Variants in SMARCA2 observed in about 807,000 individuals in gnomAD.
The protein encoded by SMARCA2 is SWI/SNF related BAF chromatin remodeling complex subunit ATPase 2.
In SMARCA2, 61 loss-of-function variants were observed where a neutral mutation model predicts 199.8. The ratio of observed to expected loss-of-function variants is 0.31; its 90% CI spans 0.25 to 0.38. The LOEUF (loss-of-function observed/expected upper bound fraction) is 0.38. Among genes scored for constraint, SMARCA2 ranks in the 10% least tolerant of loss-of-function variants. The pLI is 1.00. For synonymous variants in SMARCA2, 935 were observed against 732.0 expected, an observed-to-expected ratio of 1.28 and a Z score of -4.48; for missense variants, 1,344 against 2,012.2, an observed-to-expected ratio of 0.67 and a Z score of 6.35.
chr9:2,038,688 C>T lies in SMARCA2; in HGVS notation c.356-778C>T, dbSNP rs554763948. Among the ~76,000 whole-genome samples the T allele has an allele frequency of 8.3e-4, 127 of 152,212 alleles. 2 individuals carry two copies. The Middle Eastern group carries it at 0.014, about 16-fold the overall frequency. On this transcript the variant is annotated intron_variant, in intron 3 of 33. Coordinates refer to ENST00000349721, the MANE Select transcript of SMARCA2 (RefSeq NM_003070.5). ...TACCCCCCCTTTACTGGCTGCCTTC[C>T]CTTCCTTATATTACCTTTTCATACC...
At chr9:2,112,925 A>G (rs1376743218) in intron 24 of SMARCA2, among the ~76,000 whole-genome samples, 4 of 152,146 alleles carry the variant, frequency 2.6e-5, no homozygotes, top group Admixed American at 2.6e-4. Context: ...AAACCAGTCA[A>G]TGTTAGCTTG....
At chr9:2,181,871 T>C (rs193198088) in intron 30 of SMARCA2, among the ~76,000 whole-genome samples, 195 bp downstream of exon 30, 147 of 152,288 alleles carry the variant, frequency 9.7e-4, no homozygotes, top group Non-Finnish European at 1.7e-3. Flanking sequence ...TTGCATTTTA[T>C]TGAAGAGCTT....
intron 32 of SMARCA2, 45 bp downstream of exon 32, chr9:2,186,273 C>G (rs1264819857): frequency 6.4e-7 from 1 of 1,574,456 alleles, no homozygotes; most frequent in Admixed American, 1.8e-5. Context: ...CCCCTCCTCA[C>G]CTGCATAGCT....
At chr9:2,101,642 T>A (rs922126289) in intron 22 of SMARCA2, 26 bp downstream of exon 22, 41 of 1,272,480 alleles carry the variant, frequency 3.2e-5, no homozygotes, top group South Asian at 3.9e-5. Context: ...TTTTTTCTTT[T>A]AAAAAAAAAT....
At chr9:2,032,298 G>T (rs935771884) in intron 2 of SMARCA2, among the ~76,000 whole-genome samples, 3 of 152,154 alleles carry the variant, frequency 2.0e-5, no homozygotes, top group Non-Finnish European at 1.5e-5. Context: ...TTGCATGTCT[G>T]TCACGTATTA....
chr9:2,058,489 A>G (rs1418970433), intron 8 of SMARCA2, 25 bp downstream of exon 8: 1 of 1,606,192 alleles, frequency 6.2e-7, no homozygotes, highest in African/African-American at 1.3e-5. Context: ...GCAGGAGCCC[A>G]GGAAACTACT....
rs1554642562 is a variant in SMARCA2, at chr9:2,176,182, G to GTTTTTTTTTTTTTTGTTTTTT, written c.4254-5375_4254-5374insGTTTTTTTTTTTTTTTTTTTT. On this transcript the variant is annotated intron_variant, in intron 29 of 33. Coordinates refer to ENST00000349721, the MANE Select transcript of SMARCA2 (RefSeq NM_003070.5). ...AGGCATGAGCCACCGCGCCCGGCCT[G>GTTTTTTTTTTTTTTGTTTTTT]TTTTTTTTTTTTTTTTTTTTTATAA... 1.2e-3 allele frequency among the ~76,000 whole-genome samples: 124 copies of GTTTTTTTTTTTTTTGTTTTTT among 104,120 alleles called. 3 individuals are homozygous for GTTTTTTTTTTTTTTGTTTTTT. The highest frequency in any genetic ancestry group is 4.4e-3 in the African/African-American group (117 of 26,850). 68.3% of individuals were successfully genotyped at this position (104,120 alleles called of 152,430 possible). A position where few individuals can be genotyped will look rare whatever the true frequency, so the allele number is the denominator to read the frequency against.
At chr9:2,182,568 A>G (rs886845709) in intron 31 of SMARCA2, among the ~76,000 whole-genome samples, 2 of 134,928 alleles carry the variant, frequency 1.5e-5, no homozygotes, top group Non-Finnish European at 3.0e-5. Context: ...TTCTCGGCTC[A>G]TGGCAACCTC....
At chr9:2,053,297 A>T (rs1010746922) in intron 5 of SMARCA2, among the ~76,000 whole-genome samples, 4 of 152,210 alleles carry the variant, frequency 2.6e-5, no homozygotes, top group South Asian at 2.1e-4. Context: ...GCTGCAAAGG[A>T]CATGATTTGG....
At chr9:2,176,180 C>A (rs1268671118) in intron 29 of SMARCA2, among the ~76,000 whole-genome samples, 1 of 109,894 alleles carries the variant, frequency 9.1e-6, no homozygotes, top group Admixed American at 8.0e-5. Flanking sequence ...CGCGCCCGGC[C>A]TGTTTTTTTT....
chr9:2,159,641 G>C (rs747461145), intron 27 of SMARCA2: 6 of 681,874 alleles, frequency 8.8e-6, no homozygotes, highest in Non-Finnish European at 1.2e-5. Context: ...ATGATAAGTA[G>C]TTGTCAATAT....
rs532954139 is a variant in SMARCA2, at chr9:2,086,607, G to C, written c.2527-222G>C. Among the ~76,000 whole-genome samples the C allele has an allele frequency of 1.2e-4, 19 of 152,294 alleles. No homozygotes were observed. In the South Asian group the frequency reaches 3.7e-3, roughly 30 times the overall value. On this transcript the variant is annotated intron_variant, in intron 17 of 33. Coordinates refer to ENST00000349721, the MANE Select transcript of SMARCA2 (RefSeq NM_003070.5). The surrounding 1 kb of genome is among the most constrained non-coding windows in gnomAD (Gnocchi z 4.3). ...TAAAAAGTTGATTTGGAATTACGTG[G>C]TCTGTAAGGAACATTGTTCCTTTAA...
At chr9:2,082,306 G>GGTGTGTGTGTGT in intron 15 of SMARCA2, among the ~76,000 whole-genome samples, 1 of 121,860 alleles carries the variant, frequency 8.2e-6, no homozygotes, top group South Asian at 2.8e-4. Context: ...AAAGGGGAAA[G>GGTGTGTGTGTGT]GTGTGTGTGT....
At chr9:2,060,774 C>A in intron 8 of SMARCA2, 42 bp from the exon 9 acceptor site, 1 of 1,593,254 alleles carries the variant, frequency 6.3e-7, no homozygotes, top group Non-Finnish European at 8.6e-7. Context: ...GTTGTCTGCA[C>A]GCTTATATTA....
chr9:2,160,341 T>C, intron 27 of SMARCA2: 1 of 485,106 alleles, frequency 2.1e-6, no homozygotes. Context: ...AGGCTCAGAC[T>C]GTCCCTTAGG....
At chr9:2,114,937 T>G (rs976670718) in intron 24 of SMARCA2, among the ~76,000 whole-genome samples, 13 of 152,296 alleles carry the variant, frequency 8.5e-5, no homozygotes, top group African/African-American at 3.1e-4. Flanking sequence ...TTTTCACTTA[T>G]GTCATTAAAT....
At chr9:2,183,952 C>T (rs141235394) in intron 31 of SMARCA2, among the ~76,000 whole-genome samples, 2 of 152,312 alleles carry the variant, frequency 1.3e-5, no homozygotes, top group Middle Eastern at 3.4e-3. Flanking sequence ...CTCTGACTGT[C>T]TCACAACTGA....
chr9:2,105,750 T>C (rs1822726002), intron 23 of SMARCA2, among the ~76,000 whole-genome samples: 1 of 152,186 alleles, frequency 6.6e-6, no homozygotes, highest in Non-Finnish European at 1.5e-5. Flanking sequence ...AGACAAACTG[T>C]CCTTTACCTG....
rs10964471 is a variant in SMARCA2, at chr9:2,029,199, G to C, written c.177G>C (p.Thr59=). Residue 59 remains threonine, a synonymous_variant, in exon 2 of 34, where the codon ACG becomes ACC. Coordinates refer to ENST00000349721, the MANE Select transcript of SMARCA2 (RefSeq NM_003070.5). ...GPPSVSHPMP[T]MGSTDFPQEG... is the part of the protein sequence containing the mutation. ...CAAGTGTCTCCCATCCTATGCCGAC[G>C]ATGGGGTCCACAGACTTCCCACAGG... 4 of 1,613,072 alleles carry C rather than the reference G, an allele frequency of 2.5e-6. No homozygotes were observed. Among genetic ancestry groups the C allele is most frequent in the African/African-American group, 1.3e-5 (1 of 74,928 alleles).
Sources: allele counts gnomAD v4.1 joint callset (sites outside exome capture counted in the v4.1 genomes callset), GRCh38; gene constraint gnomAD v4.1.1; non-coding constraint Gnocchi (gnomAD v3.1); transcripts MANE v1.5; gene names NCBI Gene and HGNC (gene_info 2026-07-23, HGNC 2026-07-21).